The following PTGER4 variants were observed in gnomAD, a reference collection of about 807,000 sequenced individuals.
PTGER4 encodes prostaglandin E receptor 4, also known as prostaglandin E2 receptor EP4 subtype.
PTGER4 carries 11 observed loss-of-function variants against 33.2 expected under a neutral mutation model. The observed-to-expected ratio is 0.33, with a 90% confidence interval of 0.21 to 0.55. PTGER4 has a LOEUF of 0.55. Ranked by LOEUF, PTGER4 falls within the 20% of genes least tolerant of loss-of-function variation. The pLI, the probability that PTGER4 is intolerant of heterozygous loss-of-function variation, is 0.92. For synonymous variants in PTGER4, 275 were observed against 281.5 expected (o/e 0.98, Z 0.23); for missense variants, 481 against 650.2 (o/e 0.74, Z 2.83).
chr5:40,712,441 A>G, the PTGER4 span, among the ~76,000 whole-genome samples: 1,182 of 152,222 alleles, frequency 7.8e-3, 10 homozygotes, highest in African/African-American at 0.026. Context: ...AGACAGATGG[A>G]GATTCAATAT....
intron 2 of PTGER4, chr5:40,685,233 TA>T: frequency 5.2e-6 from 1 of 193,410 alleles, no homozygotes; most frequent in Non-Finnish European, 9.4e-6. Flanking sequence ...CTTGGTGAGG[TA>T]AAACTTAGGT....
the PTGER4 span, among the ~76,000 whole-genome samples, chr5:40,711,401 T>C: frequency 6.6e-6 from 1 of 152,094 alleles, no homozygotes; most frequent in Admixed American, 6.6e-5. Flanking sequence ...GACAAGGATA[T>C]GGAGAAACTG....
chr5:40,681,025 C>T lies in PTGER4; in HGVS notation c.32C>T (p.Ser11Phe), dbSNP rs777161421. ...ACTCCCGGGGTCAATTCGTCCGCCT[C>T]CTTGAGCCCCGACCGGCTGAACAGC... MSTPGVNSSA[S>F]LSPDRLNSPV... Residue 11 changes from serine (S) to phenylalanine (F), a missense_variant, in exon 2 of 3, where the codon TCC (serine) becomes TTC (phenylalanine). Ser to Phe is a radical substitution (Grantham distance 155). This residue lies in a region of PTGER4 where 26 missense variants were observed against 21.0 expected (regional missense o/e 1.24). Transcript: ENST00000302472. This position sits in a 1 kb window ranked among gnomAD's most constrained non-coding sequence, Gnocchi z 9.8. 19 of 1,613,866 alleles carry T rather than the reference C, an allele frequency of 1.2e-5. No homozygotes were observed. In the Admixed American group the frequency reaches 2.8e-4, roughly 24 times the overall value.
chr5:40,705,882 G>A, the PTGER4 span, among the ~76,000 whole-genome samples: 2 of 152,176 alleles, frequency 1.3e-5, no homozygotes, highest in African/African-American at 2.4e-5. Context: ...TGGTGGGAGT[G>A]TAAATTAGTT....
chr5:40,699,717 C>T, the PTGER4 span, among the ~76,000 whole-genome samples: 1,186 of 152,072 alleles, frequency 7.8e-3, 12 homozygotes, highest in African/African-American at 0.026. Flanking sequence ...TGTAACTTAC[C>T]ATACAAACAG....
chr5:40,685,164 G>T (rs1741294308), intron 2 of PTGER4, among the ~76,000 whole-genome samples: 1 of 152,062 alleles, frequency 6.6e-6, no homozygotes, highest in South Asian at 2.1e-4. Context: ...TTTTAACTCT[G>T]AAGTAACAAA....
At chr5:40,714,576 T>C in the PTGER4 span, 1 of 152,300 alleles carries the variant, frequency 6.6e-6, no homozygotes, top group Admixed American at 6.5e-5. Context: ...AGATACCTAT[T>C]TACGTTTTGA....
chr5:40,702,900 T>C, the PTGER4 span, among the ~76,000 whole-genome samples: 4 of 152,206 alleles, frequency 2.6e-5, no homozygotes, highest in African/African-American at 9.6e-5. Context: ...TTAAACAACA[T>C]GGTCCTGAAT....
At chr5:40,700,189 A>G in the PTGER4 span, among the ~76,000 whole-genome samples, 1 of 152,266 alleles carries the variant, frequency 6.6e-6, no homozygotes, top group Non-Finnish European at 1.5e-5. Flanking sequence ...GACTCCTTAT[A>G]ATTGCATCAA....
At chr5:40,703,709 T>G in the PTGER4 span, among the ~76,000 whole-genome samples, 1 of 151,642 alleles carries the variant, frequency 6.6e-6, no homozygotes. Flanking sequence ...TCAAGACCAT[T>G]CTGGCCAACA....
chr5:40,694,929 C>A (rs1741559276), downstream of PTGER4, among the ~76,000 whole-genome samples: 2 of 152,172 alleles, frequency 1.3e-5, no homozygotes, highest in African/African-American at 4.8e-5. Context: ...TTGTTCCAGA[C>A]CATTTAGAGA....
chr5:40,704,860 G>T, the PTGER4 span, among the ~76,000 whole-genome samples: 1 of 152,106 alleles, frequency 6.6e-6, no homozygotes, highest in Non-Finnish European at 1.5e-5. Context: ...TCATGCTCAT[G>T]GATAGGAAGA....
the PTGER4 span, among the ~76,000 whole-genome samples, chr5:40,710,150 T>C: frequency 2.0e-5 from 3 of 152,094 alleles, no homozygotes; most frequent in African/African-American, 7.3e-5. Context: ...ACCTACAAAA[T>C]GGGAGAACAT....
chr5:40,710,652 CA>C, the PTGER4 span, among the ~76,000 whole-genome samples: 1 of 152,130 alleles, frequency 6.6e-6, no homozygotes, highest in Admixed American at 6.5e-5. Context: ...GCACTATTCA[CA>C]ATAGAAAAGA....
At chr5:40,716,349 G>A in the PTGER4 span, 48 of 1,614,182 alleles carry the variant, frequency 3.0e-5, no homozygotes, top group Middle Eastern at 1.6e-4. Context: ...TTGGTGAAAA[G>A]TGTGTTACTT....
chr5:40,719,592 CTA>C, the PTGER4 span, among the ~76,000 whole-genome samples: 3 of 152,196 alleles, frequency 2.0e-5, no homozygotes, highest in Admixed American at 1.3e-4. Context: ...CATATGATAA[CTA>C]TATGTTTCAT....
At chr5:40,734,929 A>G in the PTGER4 span, among the ~76,000 whole-genome samples, 9 of 152,354 alleles carry the variant, frequency 5.9e-5, no homozygotes, top group East Asian at 1.3e-3. Context: ...CCAAGTGGCT[A>G]TTCGGAATGG....
At chr5:40,709,297 T>C in the PTGER4 span, among the ~76,000 whole-genome samples, 636 of 152,170 alleles carry the variant, frequency 4.2e-3, 3 homozygotes, top group African/African-American at 0.015. Context: ...TCGTCTCAGA[T>C]CAAAATCTCC....
chr5:40,714,805 T>G, the PTGER4 span: 2 of 152,280 alleles, frequency 1.3e-5, no homozygotes, highest in Admixed American at 1.3e-4. Context: ...GATCATTACT[T>G]ATAAGCTCCA....
Sources: gnomAD v4.1 joint callset for allele counts (sites outside exome capture counted in the v4.1 genomes callset) on GRCh38, gnomAD v4.1.1 for gene constraint, gnomAD v4.1.1 regional missense constraint, Gnocchi (gnomAD v3.1) non-coding constraint, MANE v1.5 for transcripts, NCBI Gene and HGNC (gene_info 2026-07-23, HGNC 2026-07-21) for gene names.